CAMTA1: variants seen among roughly 807,000 people sequenced by gnomAD.
The protein encoded by CAMTA1 is calmodulin binding transcription activator 1.
CAMTA1 carries 27 observed loss-of-function variants against 170.9 expected under a neutral mutation model. That is an observed-to-expected ratio of 0.16 (90% CI 0.12 to 0.22). CAMTA1 has a LOEUF of 0.22. Among genes scored for constraint, CAMTA1 ranks in the 10% least tolerant of loss-of-function variants. The pLI is 1.00. For synonymous variants in CAMTA1, 833 were observed against 891.5 expected, an observed-to-expected ratio of 0.93 and a Z score of 1.17; for missense variants, 1,619 against 2,217.2, an observed-to-expected ratio of 0.73 and a Z score of 5.42.
At chr1:7,343,374 C>G (rs931108293) in intron 5 of CAMTA1, among the ~76,000 whole-genome samples, 3 of 152,144 alleles carry the variant, frequency 2.0e-5, no homozygotes, top group African/African-American at 7.2e-5. Flanking sequence ...GAGATCCCTA[C>G]CAGGGGCATC....
At position 7,426,829 on chromosome 1, in the gene CAMTA1, T is replaced by C. The variant is rs993898275; in HGVS notation, c.439-41001T>C. Among the ~76,000 whole-genome samples, 2 of 152,180 alleles carry C rather than the reference T, an allele frequency of 1.3e-5. No homozygotes were observed. Among genetic ancestry groups the C allele is most frequent in the African/African-American group, 4.8e-5 (2 of 41,444 alleles). On this transcript the variant is annotated intron_variant, in intron 5 of 22. Coordinates refer to ENST00000303635, the MANE Select transcript of CAMTA1 (RefSeq NM_015215.4). This position sits in a 1 kb window ranked among gnomAD's most constrained non-coding sequence, Gnocchi z 4.8. The stretch of plus-strand genomic sequence containing the variant: ...TAATGGCTTTCGTAGAATTGCAAAA[T>C]TAGAGTTAAAAAGACCTGAACGGCT...
At chr1:7,727,346 T>A (rs1238180325) in intron 11 of CAMTA1, among the ~76,000 whole-genome samples, 1 of 152,142 alleles carries the variant, frequency 6.6e-6, no homozygotes, top group Non-Finnish European at 1.5e-5. Flanking sequence ...ATGGTCTGGA[T>A]CTCCTGATCT....
intron 3 of CAMTA1, among the ~76,000 whole-genome samples, chr1:6,894,805 C>T (rs1033240477): frequency 1.3e-5 from 2 of 152,124 alleles, no homozygotes; most frequent in Admixed American, 6.5e-5. Flanking sequence ...ATAGAAATGG[C>T]GGCTTGCATT....
At chr1:6,924,236 G>A (rs1015079700) in intron 3 of CAMTA1, among the ~76,000 whole-genome samples, 1 of 152,228 alleles carries the variant, frequency 6.6e-6, no homozygotes, top group African/African-American at 2.4e-5. Context: ...CTTCTAGCTG[G>A]GGAGACTGGA....
chr1:7,742,721 A>G (rs1200929552), intron 16 of CAMTA1, among the ~76,000 whole-genome samples: 1 of 152,192 alleles, frequency 6.6e-6, no homozygotes, highest in African/African-American at 2.4e-5. Flanking sequence ...CAGAAATTCC[A>G]CCTTACTTTT....
chr1:7,073,283 T>C (rs1638881599), intron 3 of CAMTA1, among the ~76,000 whole-genome samples: 1 of 152,156 alleles, frequency 6.6e-6, no homozygotes, highest in Non-Finnish European at 1.5e-5. Context: ...GGTAGGTTCA[T>C]GTGTGAAGCA....
intron 5 of CAMTA1, among the ~76,000 whole-genome samples, chr1:7,285,192 A>G (rs1672180615): frequency 6.6e-6 from 1 of 152,090 alleles, no homozygotes; most frequent in South Asian, 2.1e-4. Flanking sequence ...CCCTATCACC[A>G]CTGATGATGA....
intron 1 of CAMTA1, among the ~76,000 whole-genome samples, chr1:6,791,204 C>G (rs1641012992): frequency 6.6e-6 from 1 of 151,192 alleles, no homozygotes; most frequent in African/African-American, 2.4e-5. Context: ...TTGTCCTTTC[C>G]CACATAGAGA....
chr1:7,676,179 A>G (rs2096118531), intron 10 of CAMTA1, among the ~76,000 whole-genome samples: 1 of 152,228 alleles, frequency 6.6e-6, no homozygotes, highest in Admixed American at 6.5e-5. Context: ...TGCGACCACA[A>G]GCTTGGAGAC....
chr1:7,187,676 T>C (rs1489891305), intron 4 of CAMTA1, among the ~76,000 whole-genome samples: 2 of 152,212 alleles, frequency 1.3e-5, no homozygotes, highest in Non-Finnish European at 2.9e-5. Context: ...GCCCTCTGGA[T>C]TTCAGAAAAG....
chr1:7,329,755 T>C (rs1397746337), intron 5 of CAMTA1, among the ~76,000 whole-genome samples: 1 of 152,234 alleles, frequency 6.6e-6, no homozygotes, highest in Non-Finnish European at 1.5e-5. Flanking sequence ...AATTCATTGC[T>C]ACTGAGGTTC....
chr1:7,658,960 G>A (rs760374507), intron 7 of CAMTA1, among the ~76,000 whole-genome samples: 15 of 152,142 alleles, frequency 9.9e-5, no homozygotes, highest in African/African-American at 1.4e-4. Flanking sequence ...CATGTTCGCC[G>A]ATCACAAGTT....
chr1:7,266,024 T>C (rs1668868914), intron 5 of CAMTA1, among the ~76,000 whole-genome samples: 1 of 152,260 alleles, frequency 6.6e-6, no homozygotes, highest in South Asian at 2.1e-4. Flanking sequence ...TACTTGGCTG[T>C]TGCTTCTAGC....
intron 6 of CAMTA1, among the ~76,000 whole-genome samples, chr1:7,504,521 G>C (rs2094068141): frequency 6.6e-6 from 1 of 152,262 alleles, no homozygotes; most frequent in Non-Finnish European, 1.5e-5. Context: ...GGCCCTCAGA[G>C]CTGCCTGGTC....
chr1:6,793,349 T>C (rs1229365571), intron 1 of CAMTA1, among the ~76,000 whole-genome samples: 1 of 152,230 alleles, frequency 6.6e-6, no homozygotes, highest in Admixed American at 6.5e-5. Context: ...GGTAAGATTA[T>C]GTATTCAGTC....
At chr1:7,410,002 T>G (rs866598851) in intron 5 of CAMTA1, among the ~76,000 whole-genome samples, 57 of 152,286 alleles carry the variant, frequency 3.7e-4, no homozygotes, top group African/African-American at 1.3e-3. Flanking sequence ...TTTCTGCCAC[T>G]GCCTCAAGAC....
At chr1:6,997,854 G>A (rs896818550) in intron 3 of CAMTA1, among the ~76,000 whole-genome samples, 1 of 151,770 alleles carries the variant, frequency 6.6e-6, no homozygotes, top group African/African-American at 2.4e-5. Context: ...TAGGGACGGG[G>A]TTTCACCATG....
chr1:6,800,587 A>C (rs1643642204), intron 1 of CAMTA1, among the ~76,000 whole-genome samples: 1 of 152,216 alleles, frequency 6.6e-6, no homozygotes, highest in East Asian at 1.9e-4. Context: ...TGCTAACCTC[A>C]GACTTTTTAT....
intron 6 of CAMTA1, among the ~76,000 whole-genome samples, chr1:7,479,629 G>A (rs1013509143): frequency 6.6e-6 from 1 of 152,194 alleles, no homozygotes; most frequent in Non-Finnish European, 1.5e-5. Context: ...CGCTGGTGCT[G>A]GCGAGCCTCC....
Sources: gnomAD v4.1 joint callset for allele counts (sites outside exome capture counted in the v4.1 genomes callset) on GRCh38, gnomAD v4.1.1 for gene constraint, Gnocchi (gnomAD v3.1) non-coding constraint, MANE v1.5 for transcripts, NCBI Gene and HGNC (gene_info 2026-07-23, HGNC 2026-07-21) for gene names.